The following ARL3 variants were observed in gnomAD, a reference collection of about 807,000 sequenced individuals.
The protein encoded by ARL3 is ARF like GTPase 3, also known as ADP-ribosylation factor-like protein 3.
A neutral mutation model predicts 26.0 loss-of-function variants in ARL3; 9 were observed. That is an observed-to-expected ratio of 0.35 (90% CI 0.21 to 0.60). ARL3 has a LOEUF of 0.60. Among genes scored for constraint, ARL3 ranks in the 20% least tolerant of loss-of-function variants. The pLI, the probability that ARL3 is intolerant of heterozygous loss-of-function variation, is 0.78. For missense variants in ARL3, 158 were observed against 215.7 expected (o/e 0.73, Z 1.67); for synonymous variants, 71 against 78.4 (o/e 0.91, Z 0.50).
At chr10:102,696,267 A>ATTT (rs370113114) in intron 3 of ARL3, among the ~76,000 whole-genome samples, 4 of 133,600 alleles carry the variant, frequency 3.0e-5, no homozygotes, top group African/African-American at 1.1e-4. Context: ...CCTGGCCAAC[A>ATTT]TTTTTTTTTT....
chr10:102,690,863 G>GT (rs1463106192), intron 3 of ARL3, among the ~76,000 whole-genome samples: 1 of 148,786 alleles, frequency 6.7e-6, no homozygotes, highest in Non-Finnish European at 1.5e-5. Flanking sequence ...ACTTCTAGGA[G>GT]TTACTCTTAG....
chr10:102,704,151 C>CAAAAA (rs56326932), intron 2 of ARL3, among the ~76,000 whole-genome samples: 3 of 46,074 alleles, frequency 6.5e-5, no homozygotes, highest in Non-Finnish European at 1.1e-4. Flanking sequence ...ACTCTGTCTC[C>CAAAAA]AAAAAAAAAA....
At chr10:102,692,972 A>G (rs2064227510) in intron 3 of ARL3, among the ~76,000 whole-genome samples, 1 of 152,242 alleles carries the variant, frequency 6.6e-6, no homozygotes, top group Non-Finnish European at 1.5e-5. Flanking sequence ...CTGGGATTAC[A>G]GGCATGAGCC....
intron 5 of ARL3, among the ~76,000 whole-genome samples, chr10:102,682,756 T>C (rs576199984): frequency 1.3e-5 from 2 of 152,260 alleles, no homozygotes; most frequent in South Asian, 2.1e-4. Flanking sequence ...TGTGTCTGTC[T>C]TTAAACACTT....
chr10:102,710,887 G>T (rs1325182896), intron 1 of ARL3, among the ~76,000 whole-genome samples: 1 of 152,206 alleles, frequency 6.6e-6, no homozygotes, highest in African/African-American at 2.4e-5. Context: ...TACTGGCAGA[G>T]GCATGGTGCC....
chr10:102,710,838 G>A (rs2064335085), intron 1 of ARL3, among the ~76,000 whole-genome samples: 1 of 152,176 alleles, frequency 6.6e-6, no homozygotes. Flanking sequence ...ATGTGCTATG[G>A]ACTACAGACG....
At chr10:102,700,309 C>G (rs373030943) in intron 2 of ARL3, among the ~76,000 whole-genome samples, 2 of 143,816 alleles carry the variant, frequency 1.4e-5, no homozygotes, top group African/African-American at 2.6e-5. Flanking sequence ...CTCAGGATGC[C>G]GAGGCAAGAG....
chr10:102,699,246 C>A, intron 3 of ARL3, 127 bp downstream of exon 3: 1 of 692,372 alleles, frequency 1.4e-6, no homozygotes, highest in Non-Finnish European at 2.6e-6. Context: ...TTCTGCTATC[C>A]CTGCTAAATT....
At chr10:102,707,112 T>G (rs747264393) in intron 1 of ARL3, among the ~76,000 whole-genome samples, 2 of 151,960 alleles carry the variant, frequency 1.3e-5, no homozygotes, top group Non-Finnish European at 2.9e-5. Context: ...CCTGGCAACA[T>G]AGTGAGACCC....
intron 1 of ARL3, among the ~76,000 whole-genome samples, chr10:102,706,158 A>C (rs2064310326): frequency 6.6e-6 from 1 of 152,184 alleles, no homozygotes; most frequent in South Asian, 2.1e-4. Context: ...AAATTTTTAA[A>C]AAAGATTTTA....
intron 2 of ARL3, among the ~76,000 whole-genome samples, chr10:102,700,932 T>A (rs1046766580): frequency 6.6e-6 from 1 of 151,942 alleles, no homozygotes; most frequent in Admixed American, 6.6e-5. Flanking sequence ...AGATGGGGTT[T>A]CTCCATGTTG....
intron 3 of ARL3, among the ~76,000 whole-genome samples, chr10:102,698,658 C>T (rs1018132493): frequency 1.3e-5 from 2 of 152,100 alleles, no homozygotes; most frequent in Non-Finnish European, 2.9e-5. Flanking sequence ...GTGAAATCTC[C>T]AAGAATTCTG....
At chr10:102,700,244 A>G (rs1032598177) in intron 2 of ARL3, among the ~76,000 whole-genome samples, 2 of 151,968 alleles carry the variant, frequency 1.3e-5, no homozygotes, top group African/African-American at 4.8e-5. Flanking sequence ...CACCGTCTCT[A>G]CTAAAAATAC....
intron 5 of ARL3, among the ~76,000 whole-genome samples, chr10:102,678,037 ACAACCAG>A (rs1171584725): frequency 2.0e-5 from 3 of 152,200 alleles, no homozygotes; most frequent in Non-Finnish European, 4.4e-5. Flanking sequence ...CTGCAAAAAA[ACAACCAG>A]CAGGCATCCT....
intron 2 of ARL3, among the ~76,000 whole-genome samples, chr10:102,703,425 C>CTTTT (rs57721161): frequency 4.1e-5 from 2 of 48,476 alleles, no homozygotes; most frequent in African/African-American, 1.7e-4. Flanking sequence ...CAGGACTTGT[C>CTTTT]TTTTTTTTTT....
intron 3 of ARL3, among the ~76,000 whole-genome samples, chr10:102,694,514 AG>A (rs2064237029): frequency 6.6e-6 from 1 of 152,132 alleles, no homozygotes; most frequent in Non-Finnish European, 1.5e-5. Context: ...TTTTAAGTTA[AG>A]GGGTAAGGAT....
intron 5 of ARL3, among the ~76,000 whole-genome samples, chr10:102,679,101 TG>T (rs1343121887): frequency 6.6e-6 from 1 of 152,018 alleles, no homozygotes; most frequent in Non-Finnish European, 1.5e-5. Context: ...GGCTAGTGCT[TG>T]GGGAGTGGCA....
At chr10:102,707,283 G>A (rs2064315015) in intron 1 of ARL3, among the ~76,000 whole-genome samples, 1 of 151,540 alleles carries the variant, frequency 6.6e-6, no homozygotes, top group African/African-American at 2.4e-5. Flanking sequence ...GGGTGACAGA[G>A]TGAGACTCTG....
chr10:102,680,943 C>T lies in ARL3; in HGVS notation c.502-4002G>A, dbSNP rs181771127. 4.1e-4 allele frequency among the ~76,000 whole-genome samples: 63 copies of T among 152,084 alleles called. No individual in the cohort carries two copies. In the East Asian group the frequency reaches 0.011, roughly 26 times the overall value. On this transcript the variant is annotated intron_variant, in intron 5 of 5. Transcript: ENST00000260746. ...CATTGCACCAGAAAGGTAGTGAAAT[C>T]GCATGTCCTGAGACTGCTTTCTTAG...
Sources: allele counts gnomAD v4.1 joint callset (sites outside exome capture counted in the v4.1 genomes callset), GRCh38; gene constraint gnomAD v4.1.1; transcripts MANE v1.5; gene names NCBI Gene and HGNC (gene_info 2026-07-23, HGNC 2026-07-21).